ADCY2: variants seen among roughly 807,000 people sequenced by gnomAD.
ADCY2 encodes adenylate cyclase 2.
Under a neutral mutation model 125.2 loss-of-function variants are expected in ADCY2, and 31 were observed. That is an observed-to-expected ratio of 0.25 (90% CI 0.19 to 0.33). The LOEUF (loss-of-function observed/expected upper bound fraction) is 0.33, where lower values mean the gene tolerates loss of function less well. Among genes scored for constraint, ADCY2 ranks in the 10% least tolerant of loss-of-function variants. The probability of loss-of-function intolerance (pLI) is 1.00; values close to 1 mark genes in which losing one functional copy is unlikely to be tolerated. For synonymous variants in ADCY2, 512 were observed against 548.4 expected (o/e 0.93, Z 0.93); for missense variants, 904 against 1,418.2 (o/e 0.64, Z 5.82).
At chr5:7,499,556 A>G (rs1279176361) in intron 2 of ADCY2, among the ~76,000 whole-genome samples, 1 of 151,292 alleles carries the variant, frequency 6.6e-6, no homozygotes, top group Non-Finnish European at 1.5e-5. Flanking sequence ...TAAGTAATAA[A>G]TGAGGTCAAA....
chr5:7,551,659 G>T (rs1263829948), intron 3 of ADCY2, among the ~76,000 whole-genome samples: 1 of 152,136 alleles, frequency 6.6e-6, no homozygotes, highest in Non-Finnish European at 1.5e-5. Context: ...ACCTCCAAAG[G>T]GTTGAACAGC....
At chr5:7,463,143 C>T (rs1741972950) in intron 2 of ADCY2, among the ~76,000 whole-genome samples, 1 of 152,296 alleles carries the variant, frequency 6.6e-6, no homozygotes, top group East Asian at 1.9e-4. Context: ...AATAAACATA[C>T]CTATAAAATT....
At chr5:7,399,049 G>C (rs767760411) in intron 1 of ADCY2, among the ~76,000 whole-genome samples, 19 of 152,212 alleles carry the variant, frequency 1.2e-4, no homozygotes, top group Non-Finnish European at 2.9e-5. Context: ...ACCTTGGGAG[G>C]TGGGAATGGC....
intron 20 of ADCY2, among the ~76,000 whole-genome samples, chr5:7,790,265 G>A (rs564090202): frequency 6.6e-6 from 1 of 152,230 alleles, no homozygotes; most frequent in Admixed American, 6.5e-5. Context: ...GCCTTCCAAG[G>A]CTCTTAGAAT....
intron 15 of ADCY2, among the ~76,000 whole-genome samples, chr5:7,747,396 G>A (rs891713742): frequency 5.3e-5 from 8 of 152,094 alleles, no homozygotes; most frequent in African/African-American, 7.2e-5. Flanking sequence ...ATTTTTATGG[G>A]GTCCTTTCTT....
intron 3 of ADCY2, among the ~76,000 whole-genome samples, chr5:7,524,046 C>T (rs1334114245): frequency 1.3e-5 from 2 of 151,718 alleles, no homozygotes; most frequent in African/African-American, 2.4e-5. Context: ...TTCCCTGCTG[C>T]ATAAGAGAGT....
chr5:7,764,072 T>C (rs1432811751), intron 16 of ADCY2, among the ~76,000 whole-genome samples: 1 of 152,250 alleles, frequency 6.6e-6, no homozygotes, highest in Admixed American at 6.5e-5. Context: ...ATCTCATTAC[T>C]CATTGGTATT....
intron 12 of ADCY2, among the ~76,000 whole-genome samples, chr5:7,722,604 C>G (rs1330945665): frequency 6.6e-6 from 1 of 151,504 alleles, no homozygotes. Flanking sequence ...TAAGAAATAC[C>G]AAAAAAGTTT....
intron 13 of ADCY2, 91 bp downstream of exon 13, chr5:7,724,705 A>AT: frequency 1.1e-6 from 1 of 900,026 alleles, no homozygotes; most frequent in Non-Finnish European, 1.7e-6. Context: ...TATATGTGAC[A>AT]TTTAAACTGC....
At chr5:7,741,664 A>ACCT (rs1742419300) in intron 14 of ADCY2, among the ~76,000 whole-genome samples, 2 of 149,338 alleles carry the variant, frequency 1.3e-5, no homozygotes, top group South Asian at 2.1e-4. Flanking sequence ...CATTATCATC[A>ACCT]TCATCATCAT....
intron 3 of ADCY2, among the ~76,000 whole-genome samples, chr5:7,620,664 T>C (rs922330453): frequency 6.6e-6 from 1 of 152,304 alleles, no homozygotes; most frequent in African/African-American, 2.4e-5. Context: ...CCTGATTATT[T>C]TCTCCCCCAG....
chr5:7,531,626 G>A (rs1310112833), intron 3 of ADCY2, among the ~76,000 whole-genome samples: 5 of 152,014 alleles, frequency 3.3e-5, no homozygotes, highest in Non-Finnish European at 4.4e-5. Context: ...AGCAGTCCTC[G>A]GCATGCCTTT....
chr5:7,751,538 C>A (rs1414145697), intron 15 of ADCY2, among the ~76,000 whole-genome samples: 6 of 152,174 alleles, frequency 3.9e-5, no homozygotes, highest in Non-Finnish European at 7.3e-5. Context: ...ACCTAATTAA[C>A]AACCCTTCAA....
chr5:7,429,365 G>T (rs1173625837), intron 2 of ADCY2, among the ~76,000 whole-genome samples: 1 of 152,144 alleles, frequency 6.6e-6, no homozygotes, highest in East Asian at 1.9e-4. Flanking sequence ...CAAGAAGAAA[G>T]AAAATGAATA....
At chr5:7,667,031 A>T (rs1739780679) in intron 4 of ADCY2, among the ~76,000 whole-genome samples, 1 of 152,210 alleles carries the variant, frequency 6.6e-6, no homozygotes. Flanking sequence ...CTGGAACTTG[A>T]TGGGATAGCC....
At chr5:7,405,452 A>T (rs573982311) in intron 1 of ADCY2, among the ~76,000 whole-genome samples, 2 of 152,216 alleles carry the variant, frequency 1.3e-5, no homozygotes, top group East Asian at 3.9e-4. Flanking sequence ...AAATAGCTAC[A>T]TTTATGTGTG....
chr5:7,436,816 G>T lies in ADCY2; in HGVS notation c.408+22046G>T, dbSNP rs541210550. On this transcript the variant is annotated intron_variant, in intron 2 of 24. Coordinates refer to ENST00000338316, the MANE Select transcript of ADCY2 (RefSeq NM_020546.3). ...AGCCTGTTTGGGACACTTTTGTGAT[G>T]GGAGTGGGTCTGATCCAGATAAAAC... 5.9e-5 allele frequency among the ~76,000 whole-genome samples: 9 copies of T among 152,340 alleles called. No homozygotes were observed. The South Asian group carries it at 1.9e-3, about 32-fold the overall frequency.
At chr5:7,753,928 T>C (rs1294188301) in intron 15 of ADCY2, among the ~76,000 whole-genome samples, 2 of 152,208 alleles carry the variant, frequency 1.3e-5, no homozygotes, top group East Asian at 1.9e-4. Flanking sequence ...CAAGGAAAGA[T>C]ACCGCCTGTC....
At chr5:7,514,273 C>A (rs1395160129) in intron 2 of ADCY2, among the ~76,000 whole-genome samples, 1 of 151,122 alleles carries the variant, frequency 6.6e-6, no homozygotes, top group Non-Finnish European at 1.5e-5. Flanking sequence ...TGTGTAGAAT[C>A]AAGTCAGGAC....
Sources: gnomAD v4.1 joint callset for allele counts (sites outside exome capture counted in the v4.1 genomes callset) on GRCh38, gnomAD v4.1.1 for gene constraint, MANE v1.5 for transcripts, NCBI Gene and HGNC (gene_info 2026-07-23, HGNC 2026-07-21) for gene names.